The following EFHC1 variants were observed in gnomAD, a reference collection of about 807,000 sequenced individuals.
EFHC1 encodes the protein EF-hand domain-containing protein 1.
EFHC1 carries 53 observed loss-of-function variants against 69.9 expected under a neutral mutation model. That is an observed-to-expected ratio of 0.76 (90% CI 0.61 to 0.95). The LOEUF is 0.95. EFHC1 is among the 40% of genes least tolerant of loss of function. The pLI is 0.00. For missense variants in EFHC1, 739 were observed against 798.7 expected, an observed-to-expected ratio of 0.93 and a Z score of 0.90; for synonymous variants, 256 against 278.4, an observed-to-expected ratio of 0.92 and a Z score of 0.80.
intron 2 of EFHC1, among the ~76,000 whole-genome samples, chr6:52,429,072 A>G (rs1764363438): frequency 6.6e-6 from 1 of 151,946 alleles, no homozygotes; most frequent in South Asian, 2.1e-4. Context: ...GTTTGAGTTC[A>G]TTGTAAATTC....
chr6:52,482,737 A>G (rs76866783), intron 9 of EFHC1: 3 of 398,474 alleles, frequency 7.5e-6, no homozygotes, highest in African/African-American at 2.1e-5. Flanking sequence ...CATCTGGGAT[A>G]TCTTCATTCT....
At chr6:52,492,194 C>T (rs1391269960) in intron 10 of EFHC1, 76 bp from the exon 11 acceptor site, 6 of 1,272,524 alleles carry the variant, frequency 4.7e-6, no homozygotes, top group Admixed American at 1.7e-5. Context: ...GATCATTATG[C>T]ATAAGCGCAC....
At chr6:52,482,552 T>G (rs1472846020) in intron 9 of EFHC1, 6 of 361,900 alleles carry the variant, frequency 1.7e-5, no homozygotes, top group Middle Eastern at 7.1e-4. Context: ...TAACTTATGA[T>G]GCAGACTGAA....
chr6:52,491,214 T>A (rs1408347783), intron 10 of EFHC1, among the ~76,000 whole-genome samples: 1 of 152,158 alleles, frequency 6.6e-6, no homozygotes, highest in Non-Finnish European at 1.5e-5. Context: ...GCTCCCCAAA[T>A]TTTAGGTTGA....
At chr6:52,431,534 G>A (rs188029853) in intron 2 of EFHC1, among the ~76,000 whole-genome samples, 4 of 152,068 alleles carry the variant, frequency 2.6e-5, no homozygotes, top group Admixed American at 2.6e-4. Context: ...TGGAGTTGAC[G>A]TCCAATTTTA....
At chr6:52,477,771 AAAC>A (rs1765574906) in intron 7 of EFHC1, among the ~76,000 whole-genome samples, 1 of 152,240 alleles carries the variant, frequency 6.6e-6, no homozygotes, top group Non-Finnish European at 1.5e-5. Context: ...AAAGGTCAGG[AAAC>A]AACAGGTGCT....
At position 52,493,385 on chromosome 6, in the gene EFHC1, T is replaced by TATATA. The variant is rs1554262447; in HGVS notation, c.*1044_*1045insATATA. 149 of 210,328 alleles carry TATATA rather than the reference T, an allele frequency of 7.1e-4. No individual in the cohort carries two copies. Among genetic ancestry groups the TATATA allele is most frequent in the Non-Finnish European group, 1.0e-3 (110 of 107,086 alleles). The allele number at this position is 210,328 out of a possible 1,614,324, so 13.0% of individuals were successfully genotyped here. A position where few individuals can be genotyped will look rare whatever the true frequency, so the allele number is the denominator to read the frequency against. On this transcript the variant is annotated 3_prime_UTR_variant, in exon 11 of 11. Coordinates refer to ENST00000371068, the MANE Select transcript of EFHC1 (RefSeq NM_018100.4). ...CTCTACATATATATATATATATATA[T>TATATA]TTTATATGTACACATTCATACACAC...
At chr6:52,429,175 G>A (rs533453966) in intron 2 of EFHC1, among the ~76,000 whole-genome samples, 5 of 152,172 alleles carry the variant, frequency 3.3e-5, no homozygotes, top group African/African-American at 7.2e-5. Context: ...TCCTTTTGCC[G>A]TGAAAAAGCT....
At chr6:52,434,030 C>T (rs1407959086) in intron 2 of EFHC1, among the ~76,000 whole-genome samples, 2 of 151,986 alleles carry the variant, frequency 1.3e-5, no homozygotes, top group East Asian at 1.9e-4. Context: ...CACTGTCCCG[C>T]CCCTCTCCAA....
At chr6:52,436,370 C>T (rs1200979858) in intron 2 of EFHC1, among the ~76,000 whole-genome samples, 3 of 151,700 alleles carry the variant, frequency 2.0e-5, no homozygotes, top group Non-Finnish European at 4.4e-5. Context: ...ACAGTAGTTA[C>T]GCTACCCATT....
chr6:52,443,386 A>G (rs148930660), intron 3 of EFHC1, among the ~76,000 whole-genome samples: 11,317 of 151,924 alleles, frequency 0.074, 854 homozygotes, highest in African/African-American at 0.19. Flanking sequence ...GAATGGTATT[A>G]CCTAGGTTTT....
intron 7 of EFHC1, among the ~76,000 whole-genome samples, chr6:52,475,646 T>C (rs1300686246): frequency 6.6e-6 from 1 of 152,252 alleles, no homozygotes; most frequent in African/African-American, 2.4e-5. Context: ...AGTGCATTTA[T>C]TTTATAGCCT....
At position 52,423,467 on chromosome 6, in the gene EFHC1, C is replaced by T. The variant is rs542707396; in HGVS notation, c.64-479C>T. Among the ~76,000 whole-genome samples the T allele has an allele frequency of 1.7e-3, 259 of 152,144 alleles. 7 individuals carry two copies. The South Asian group carries it at 0.053, about 31-fold the overall frequency. ...CCTTGTTCTTGTTCAAGTGTTTTAACTTAAAATACAGAATCTTTTAATGTA... is the reference window on the plus strand; with the variant it reads ...CCTTGTTCTTGTTCAAGTGTTTTAATTTAAAATACAGAATCTTTTAATGTA... On this transcript the variant is annotated intron_variant, in intron 1 of 10. Transcript: ENST00000371068.
chr6:52,478,230 T>A (rs562523230), intron 7 of EFHC1, among the ~76,000 whole-genome samples: 7 of 148,032 alleles, frequency 4.7e-5, no homozygotes, highest in Admixed American at 1.4e-4. Flanking sequence ...AACAATGAGA[T>A]CACATGGACA....
chr6:52,470,848 A>T (rs1002700906), intron 7 of EFHC1, among the ~76,000 whole-genome samples: 4 of 152,260 alleles, frequency 2.6e-5, no homozygotes, highest in Non-Finnish European at 1.5e-5. Context: ...AGGAGAAAAG[A>T]TAAATTTCTT....
At chr6:52,483,595 G>A (rs1041275243) in intron 9 of EFHC1, 7 of 152,286 alleles carry the variant, frequency 4.6e-5, no homozygotes, top group South Asian at 2.1e-4. Flanking sequence ...TGTTCGCGTC[G>A]TTGCTGTGGA....
At chr6:52,463,659 A>G (rs1765226061) in intron 5 of EFHC1, among the ~76,000 whole-genome samples, 2 of 152,254 alleles carry the variant, frequency 1.3e-5, no homozygotes, top group Non-Finnish European at 2.9e-5. Flanking sequence ...ATCCAGCATT[A>G]TATGAAAAAA....
In EFHC1 at chr6:52,494,800, G is replaced by T. The variant is rs1293574945; in HGVS notation, c.*2459G>T. The T allele has an allele frequency of 2.2e-6, 1 of 451,664 alleles. No homozygotes were observed. The highest frequency in any genetic ancestry group is 1.6e-5 in the South Asian group (1 of 64,264). 28.0% of individuals were successfully genotyped at this position (451,664 alleles called of 1,614,324 possible). ...TTAGAAGTAAGAACATGCAATATTT[G>T]GTTTCCTATTCCTGCATCAATTCAC... On this transcript the variant is annotated 3_prime_UTR_variant, in exon 11 of 11. Coordinates refer to ENST00000371068, the MANE Select transcript of EFHC1 (RefSeq NM_018100.4).
chr6:52,488,166 C>T (rs1228554854), intron 9 of EFHC1: 1 of 152,172 alleles, frequency 6.6e-6, no homozygotes, highest in Non-Finnish European at 1.5e-5. Flanking sequence ...TGTTTCATGG[C>T]TCTAGTTCTT....
Sources: gnomAD v4.1 joint callset for allele counts (sites outside exome capture counted in the v4.1 genomes callset) on GRCh38, gnomAD v4.1.1 for gene constraint, MANE v1.5 for transcripts, NCBI Gene and HGNC (gene_info 2026-07-23, HGNC 2026-07-21) for gene names.